The following CYLC1 variants were observed in gnomAD, a reference collection of about 807,000 sequenced individuals.
The protein encoded by CYLC1 is cylicin-1.
Under a neutral mutation model 31.6 loss-of-function variants are expected in CYLC1, and 2 were observed. The ratio of observed to expected loss-of-function variants is 0.06; its 90% CI spans 0.03 to 0.20. The LOEUF (loss-of-function observed/expected upper bound fraction) is 0.20, where lower values mean the gene tolerates loss of function less well. CYLC1 is among the 10% of genes least tolerant of loss of function. The pLI is 1.00. For synonymous variants in CYLC1, 185 were observed against 153.0 expected (o/e 1.21, Z -1.54); for missense variants, 595 against 424.1 (o/e 1.40, Z -3.54).
chrX:83,880,888 C>A (rs1024669184), intron 4 of CYLC1, among the ~76,000 whole-genome samples: 1 of 111,334 alleles, frequency 9.0e-6, no homozygotes, highest in African/African-American at 3.3e-5. Flanking sequence ...TTTTTAACTG[C>A]CACCCTCTCC....
chrX:83,886,029 C>A (rs1035739980), intron 4 of CYLC1, among the ~76,000 whole-genome samples: 7 of 110,614 alleles, frequency 6.3e-5, no homozygotes, highest in Non-Finnish European at 9.5e-5. Context: ...GGGATTGCAA[C>A]TAAACAGAAA....
chrX:83,878,402 A>AATATATATATAAATATATATAAAT (rs1270645447), intron 4 of CYLC1, among the ~76,000 whole-genome samples: 1 of 13,725 alleles, frequency 7.3e-5, no homozygotes, highest in Non-Finnish European at 1.3e-4. Context: ...AATATATATA[A>AATATATATATAAATATATATAAAT]ATATATATAA....
At chrX:83,864,938 T>G (rs949885736) in intron 1 of CYLC1, among the ~76,000 whole-genome samples, 7 of 110,997 alleles carry the variant, frequency 6.3e-5, no homozygotes, top group African/African-American at 2.0e-4. Context: ...GCCTAAAAAC[T>G]TAGATCTTGG....
Position 83,873,538 on chromosome X carries a change from C to G in CYLC1, c.830C>G (p.Ser277Cys). The change falls in exon 4 of 5, where the codon TCT (serine) becomes TGT (cysteine). Residue 277 changes from serine to cysteine, a missense_variant. Transcript: ENST00000329312. ...NYSQNNSKNY[S>C]LKYTKYTKKD... is the part of the protein sequence containing the mutation. The stretch of plus-strand genomic sequence containing the variant: ...TCACAGAATAATTCAAAGAATTATT[C>G]TTTGAAGTATACAAAGTATACAAAG... The G allele has an allele frequency of 8.3e-7, 1 of 1,197,957 alleles. No individual in the cohort carries two copies. Among genetic ancestry groups the G allele is most frequent in the Non-Finnish European group, 1.1e-6 (1 of 887,325 alleles).
At chrX:83,862,528 G>T (rs1454893410) in intron 1 of CYLC1, among the ~76,000 whole-genome samples, 1 of 111,532 alleles carries the variant, frequency 9.0e-6, no homozygotes, top group African/African-American at 3.3e-5. Flanking sequence ...GGGCGACAGA[G>T]CGAGACTCCG....
At chrX:83,869,053 A>T (rs2031629937) in intron 1 of CYLC1, among the ~76,000 whole-genome samples, 1 of 110,732 alleles carries the variant, frequency 9.0e-6, no homozygotes, top group Non-Finnish European at 1.9e-5. Flanking sequence ...TTAAAATTTT[A>T]TCTTAAAAGT....
Position 83,869,945 on chromosome X carries a change from G to A in CYLC1, c.58+40G>A, listed in dbSNP as rs1054811595. 6 of 736,126 alleles carry A rather than the reference G, an allele frequency of 8.2e-6. No individual in the cohort carries two copies. The African/African-American group carries it at 1.3e-4, about 16-fold the overall frequency. 60.7% of individuals were successfully genotyped at this position (736,126 alleles called of 1,213,427 possible). A position where few individuals can be genotyped will look rare whatever the true frequency, so the allele number is the denominator to read the frequency against. ...AATGAAGTTTAATATTTCTTAGATT[G>A]GAAAACAATTTTAGGAACTAATGAC... On this transcript the variant is annotated intron_variant, in intron 2 of 4. Coordinates refer to ENST00000329312, the MANE Select transcript of CYLC1 (RefSeq NM_021118.3).
At chrX:83,864,779 T>G in intron 1 of CYLC1, 1 of 289,496 alleles carries the variant, frequency 3.5e-6, no homozygotes, top group East Asian at 1.2e-4. Flanking sequence ...CTAGCAGCAC[T>G]TGATACAACT....
intron 1 of CYLC1, among the ~76,000 whole-genome samples, chrX:83,868,633 A>G (rs2031622947): frequency 9.0e-6 from 1 of 111,054 alleles, no homozygotes. Context: ...TTAATTGATT[A>G]AAATCATTTA....
rs2031595285 is a variant in CYLC1, at chrX:83,866,528, C to T, written c.18-3337C>T. On this transcript the variant is annotated intron_variant, in intron 1 of 4. Coordinates refer to ENST00000329312, the MANE Select transcript of CYLC1 (RefSeq NM_021118.3). ...CGTTTAATTCTTTCATCCTTCCTCT[C>T]TCTGTCCATTTGCATCCCAAACTCT... is the stretch of plus-strand genomic sequence containing the variant. 3.6e-5 allele frequency among the ~76,000 whole-genome samples: 4 copies of T among 111,067 alleles called. No homozygotes were observed. In the South Asian group the frequency reaches 1.5e-3, roughly 42 times the overall value.
Position 83,883,602 on chromosome X carries a change from A to C in CYLC1, c.1924-2950A>C, listed in dbSNP as rs1488415331. 5.4e-5 allele frequency among the ~76,000 whole-genome samples: 6 copies of C among 111,913 alleles called. No individual in the cohort carries two copies. The East Asian group carries it at 1.7e-3, about 31-fold the overall frequency. On this transcript the variant is annotated intron_variant, in intron 4 of 4. Transcript: ENST00000329312. ...AGGAACACTCAAAATATTATACAAA[A>C]CCAAGAAGCTTTACATTCTTTTCTC...
At chrX:83,868,699 T>A (rs2031623766) in intron 1 of CYLC1, among the ~76,000 whole-genome samples, 2 of 111,184 alleles carry the variant, frequency 1.8e-5, no homozygotes, top group Non-Finnish European at 3.8e-5. Context: ...TTGTGTGACT[T>A]TATCTATATA....
chrX:83,881,961 G>T (rs1027044857), intron 4 of CYLC1, among the ~76,000 whole-genome samples: 2 of 110,459 alleles, frequency 1.8e-5, no homozygotes, highest in Non-Finnish European at 3.8e-5. Flanking sequence ...CTCCCAAAGT[G>T]CTGGGATTAC....
intron 4 of CYLC1, among the ~76,000 whole-genome samples, chrX:83,878,765 G>T (rs1429030054): frequency 1.9e-5 from 2 of 105,600 alleles, no homozygotes; most frequent in Non-Finnish European, 3.9e-5. Context: ...TGGATGTCTG[G>T]AAGAGAATAC....
At position 83,869,331 on chromosome X, in the gene CYLC1, C is replaced by T. The variant is rs747904770; in HGVS notation, c.18-534C>T. On this transcript the variant is annotated intron_variant, in intron 1 of 4. Transcript: ENST00000329312. Reference sequence around the variant, plus strand: ...AATCACTCAGGTATTAAGCCTGGTACCCATTAGTTATTTTTTATGATCCTC... The same window carrying T: ...AATCACTCAGGTATTAAGCCTGGTATCCATTAGTTATTTTTTATGATCCTC... 3.6e-5 allele frequency among the ~76,000 whole-genome samples: 4 copies of T among 110,274 alleles called. No individual in the cohort carries two copies. In the East Asian group the frequency reaches 1.1e-3, roughly 31 times the overall value.
Position 83,877,895 on chromosome X carries a change from T to C in CYLC1, c.1923+3264T>C, listed in dbSNP as rs938673054. Among the ~76,000 whole-genome samples, 142 of 41,940 alleles carry C rather than the reference T, an allele frequency of 3.4e-3. 1 individual carries two copies. Among genetic ancestry groups the C allele is most frequent in the Admixed American group, 6.0e-3 (12 of 2,015 alleles). 36.4% of individuals were successfully genotyped at this position (41,940 alleles called of 115,157 possible). ...GTTTTTTCATATATATATATATATA[T>C]ACAAATATATATAAATATATATATA... is the stretch of plus-strand genomic sequence containing the variant. On this transcript the variant is annotated intron_variant, in intron 4 of 4. Transcript: ENST00000329312.
chrX:83,874,614 CCAAGA>C lies in CYLC1; in HGVS notation c.1907_1911del (p.Pro636LeufsTer6). 1 of 1,197,077 alleles carries C rather than the reference CCAAGA, an allele frequency of 8.4e-7. No individual in the cohort carries two copies. The highest frequency in any genetic ancestry group is 1.8e-5 in the South Asian group (1 of 54,320). On this transcript the variant is annotated frameshift_variant, in exon 4 of 5. Transcript: ENST00000329312. LOFTEE classifies it high-confidence loss of function. Reference sequence around the variant, plus strand: ...CAAGATGCCTCCTCCACCTCCAAAACCAAGATATGCTCCTTTGGTAAGTTTACTAC... The same window carrying C: ...CAAGATGCCTCCTCCACCTCCAAAACTATGCTCCTTTGGTAAGTTTACTAC...
intron 2 of CYLC1, among the ~76,000 whole-genome samples, chrX:83,870,412 G>A (rs1478905188): frequency 1.8e-5 from 2 of 111,416 alleles, no homozygotes; most frequent in East Asian, 2.8e-4. Flanking sequence ...ATGTGATTAA[G>A]AGCATGGGCT....
intron 2 of CYLC1, among the ~76,000 whole-genome samples, chrX:83,870,666 G>C (rs141157053): frequency 2.2e-3 from 249 of 111,480 alleles, no homozygotes; most frequent in Non-Finnish European, 4.2e-3. Context: ...GTTAGTGGTT[G>C]CAGCTATGCT....
Sources: gnomAD v4.1 joint callset for allele counts (sites outside exome capture counted in the v4.1 genomes callset) on GRCh38, gnomAD v4.1.1 for gene constraint, MANE v1.5 for transcripts, NCBI Gene and HGNC (gene_info 2026-07-23, HGNC 2026-07-21) for gene names.